The following PITPNC1 variants were observed in gnomAD, a reference collection of about 807,000 sequenced individuals.
PITPNC1 encodes the protein cytoplasmic phosphatidylinositol transfer protein 1.
PITPNC1 carries 18 observed loss-of-function variants against 44.7 expected under a neutral mutation model. The observed-to-expected ratio is 0.40, with a 90% CI of 0.28 to 0.60. The LOEUF (loss-of-function observed/expected upper bound fraction) is 0.60, where lower values mean the gene tolerates loss of function less well. Among genes scored for constraint, PITPNC1 ranks in the 20% least tolerant of loss-of-function variants. The pLI is 0.39. For missense variants in PITPNC1, 290 were observed against 418.4 expected (o/e 0.69, Z 2.68); for synonymous variants, 141 against 149.6 (o/e 0.94, Z 0.42).
chr17:67,545,962 C>A (rs2040674385), intron 2 of PITPNC1, among the ~76,000 whole-genome samples: 1 of 152,046 alleles, frequency 6.6e-6, no homozygotes, highest in African/African-American at 2.4e-5. Context: ...ATAATCCCAG[C>A]ACTTTGGGAG....
chr17:67,401,402 A>G (rs187061404), intron 1 of PITPNC1, among the ~76,000 whole-genome samples: 408 of 151,962 alleles, frequency 2.7e-3, no homozygotes, highest in Admixed American at 7.8e-3. Context: ...TGGTAATACA[A>G]CCTCTATGAT....
intron 1 of PITPNC1, among the ~76,000 whole-genome samples, chr17:67,514,975 A>G (rs1246740689): frequency 6.6e-6 from 1 of 152,218 alleles, no homozygotes; most frequent in African/African-American, 2.4e-5. Flanking sequence ...TCATGTTGAA[A>G]TGCCCCACGT....
At chr17:67,466,873 T>A (rs1453646716) in intron 1 of PITPNC1, among the ~76,000 whole-genome samples, 1 of 152,076 alleles carries the variant, frequency 6.6e-6, no homozygotes, top group African/African-American at 2.4e-5. Context: ...ATTAATTTTC[T>A]TCCCCCCCAA....
intron 1 of PITPNC1, among the ~76,000 whole-genome samples, chr17:67,410,092 A>C (rs190476253): frequency 6.6e-6 from 1 of 152,346 alleles, no homozygotes; most frequent in African/African-American, 2.4e-5. Context: ...TGTCAGAACT[A>C]CGTTTCAGAA....
At chr17:67,599,542 C>T (rs966645865) in intron 5 of PITPNC1, among the ~76,000 whole-genome samples, 6 of 152,074 alleles carry the variant, frequency 3.9e-5, no homozygotes, top group Admixed American at 1.3e-4. Context: ...TTAGGAGAAT[C>T]GGGATGCCTG....
chr17:67,643,797 G>T (rs1296825640), intron 6 of PITPNC1, among the ~76,000 whole-genome samples: 2 of 152,236 alleles, frequency 1.3e-5, no homozygotes, highest in African/African-American at 4.8e-5. Context: ...CACACAGTAA[G>T]CATTTCATAA....
rs562557325 is a variant in PITPNC1, at chr17:67,407,453, G to A, written c.48+29251G>A. Among the ~76,000 whole-genome samples, 5 of 152,086 alleles carry A rather than the reference G, an allele frequency of 3.3e-5. No homozygotes were observed. The East Asian group carries it at 9.7e-4, about 29-fold the overall frequency. On this transcript the variant is annotated intron_variant, in intron 1 of 8. Coordinates refer to ENST00000581322, the MANE Select transcript of PITPNC1 (RefSeq NM_012417.4). ...TGCAAATATTTTCTTCCATTCTGTG[G>A]TTTGTCTTTTCACTTTTTCATAGTG...
At chr17:67,388,899 G>A (rs1225505083) in intron 1 of PITPNC1, among the ~76,000 whole-genome samples, 1 of 152,162 alleles carries the variant, frequency 6.6e-6, no homozygotes, top group Admixed American at 6.5e-5. Context: ...CACCGCGCCT[G>A]GCAGTATATT....
At chr17:67,517,718 C>T (rs537645799) in intron 1 of PITPNC1, among the ~76,000 whole-genome samples, 11 of 152,232 alleles carry the variant, frequency 7.2e-5, no homozygotes, top group Non-Finnish European at 1.0e-4. Context: ...TCCATAGAAA[C>T]AGAAGGTAAC....
chr17:67,441,251 A>G (rs966926351), intron 1 of PITPNC1, among the ~76,000 whole-genome samples: 1 of 151,766 alleles, frequency 6.6e-6, no homozygotes, highest in Non-Finnish European at 1.5e-5. Flanking sequence ...TGTAGAAGTT[A>G]GGTCTCGCAG....
chr17:67,653,673 G>A lies in PITPNC1; in HGVS notation c.463-15835G>A, dbSNP rs559670877. ...TGTTAGATTTCTTTCTCTGCATTACGGAACTTTTCCTGAAGCCTCCAAGGT... is the reference window on the plus strand; with the variant it reads ...TGTTAGATTTCTTTCTCTGCATTACAGAACTTTTCCTGAAGCCTCCAAGGT... On this transcript the variant is annotated intron_variant, in intron 6 of 8. Transcript: ENST00000581322. 3.3e-5 allele frequency among the ~76,000 whole-genome samples: 5 copies of A among 152,238 alleles called. No homozygotes were observed. The East Asian group carries it at 5.8e-4, about 18-fold the overall frequency.
intron 6 of PITPNC1, among the ~76,000 whole-genome samples, chr17:67,663,531 A>T (rs2042378757): frequency 6.6e-6 from 1 of 151,558 alleles, no homozygotes; most frequent in Non-Finnish European, 1.5e-5. Context: ...GATCGCCACT[A>T]CACTCCAGCC....
rs529353804 is a variant in PITPNC1 at position 67,610,248 on chromosome 17, T to G, written c.367-21895T>G. Among the ~76,000 whole-genome samples the G allele has an allele frequency of 3.9e-4, 59 of 152,202 alleles. 1 individual carries two copies. Among genetic ancestry groups the G allele is most frequent in the Non-Finnish European group, 4.7e-4 (32 of 68,002 alleles). On this transcript the variant is annotated intron_variant, in intron 5 of 8. Coordinates refer to ENST00000581322, the MANE Select transcript of PITPNC1 (RefSeq NM_012417.4). ...CTAAGCAAGCAAGATTTCCCAGGTG[T>G]TGTGTGCGCATGAAAGCACCGGAGG... is the stretch of plus-strand genomic sequence containing the variant.
chr17:67,403,636 G>A (rs142447801), intron 1 of PITPNC1, among the ~76,000 whole-genome samples: 42 of 152,260 alleles, frequency 2.8e-4, no homozygotes, highest in African/African-American at 9.9e-4. Flanking sequence ...CCTCCAAGGT[G>A]GATCCTATTA....
At chr17:67,443,608 G>A (rs1451670447) in intron 1 of PITPNC1, among the ~76,000 whole-genome samples, 1 of 146,730 alleles carries the variant, frequency 6.8e-6, no homozygotes, top group Non-Finnish European at 1.5e-5. Context: ...AAGCACAGAG[G>A]ACAATAGGCA....
At chr17:67,599,760 G>T (rs2041516703) in intron 5 of PITPNC1, among the ~76,000 whole-genome samples, 2 of 152,146 alleles carry the variant, frequency 1.3e-5, no homozygotes, top group African/African-American at 4.8e-5. Context: ...GGAAGGAAAA[G>T]AATTGGATCA....
chr17:67,440,523 T>C (rs2038998193), intron 1 of PITPNC1, among the ~76,000 whole-genome samples: 1 of 149,608 alleles, frequency 6.7e-6, no homozygotes, highest in African/African-American at 2.5e-5. Context: ...TATTTATTTA[T>C]TTATTTATTT....
chr17:67,449,020 G>A, intron 1 of PITPNC1, among the ~76,000 whole-genome samples: 1 of 152,198 alleles, frequency 6.6e-6, no homozygotes, highest in Admixed American at 6.5e-5. Context: ...TCCCGCCTCG[G>A]CCTCCCAAAA....
chr17:67,651,621 C>G (rs572328497), intron 6 of PITPNC1, among the ~76,000 whole-genome samples: 3 of 152,150 alleles, frequency 2.0e-5, no homozygotes, highest in Non-Finnish European at 4.4e-5. Flanking sequence ...ACATGTTTAC[C>G]TCACCACAAT....
Sources: allele counts gnomAD v4.1 joint callset (sites outside exome capture counted in the v4.1 genomes callset), GRCh38; gene constraint gnomAD v4.1.1; transcripts MANE v1.5; gene names NCBI Gene and HGNC (gene_info 2026-07-23, HGNC 2026-07-21).